IRS1: variants seen among roughly 807,000 people sequenced by gnomAD.
IRS1 encodes the protein insulin receptor substrate 1.
IRS1 carries 34 observed loss-of-function variants against 65.6 expected under a neutral mutation model. The ratio of observed to expected loss-of-function variants is 0.52; its 90% CI spans 0.39 to 0.69. The LOEUF (loss-of-function observed/expected upper bound fraction) is 0.69, where lower values mean the gene tolerates loss of function less well. Ranked by LOEUF, IRS1 falls within the 30% of genes least tolerant of loss-of-function variation. The pLI is 0.00. For missense variants in IRS1, 1,641 were observed against 1,720.2 expected (o/e 0.95, Z 0.81); for synonymous variants, 699 against 683.5 (o/e 1.02, Z -0.35).
chr2:226,744,398 CAG>C (rs2106159616), intron 1 of IRS1, among the ~76,000 whole-genome samples: 1 of 152,306 alleles, frequency 6.6e-6, no homozygotes, highest in East Asian at 1.9e-4. Context: ...ACAGGCCTAA[CAG>C]AGGACAATGC....
intron 1 of IRS1, among the ~76,000 whole-genome samples, chr2:226,785,762 C>CT (rs148549648): frequency 0.1 from 15,162 of 151,378 alleles, 968 homozygotes; most frequent in South Asian, 0.24. Context: ...TATATATATA[C>CT]TTTAAGTTTT....
At chr2:226,775,651 C>A (rs913141646) in intron 1 of IRS1, among the ~76,000 whole-genome samples, 1 of 152,130 alleles carries the variant, frequency 6.6e-6, no homozygotes, top group African/African-American at 2.4e-5. Flanking sequence ...CTGCTAGTTC[C>A]CAGATCTTAG....
chr2:226,755,372 A>C (rs1195959046), intron 1 of IRS1, among the ~76,000 whole-genome samples: 1 of 152,228 alleles, frequency 6.6e-6, no homozygotes, highest in Non-Finnish European at 1.5e-5. Flanking sequence ...TGAGAAGGGG[A>C]AAACAATGAC....
At chr2:226,745,884 G>A (rs1938531286) in intron 1 of IRS1, among the ~76,000 whole-genome samples, 1 of 152,182 alleles carries the variant, frequency 6.6e-6, no homozygotes. Context: ...CTTGCGAAGA[G>A]AGGACAAAGT....
chr2:226,796,796 T>C lies in IRS1; in HGVS notation c.1943A>G (p.Asn648Ser), dbSNP rs776281879. The C allele has an allele frequency of 1.6e-5, 25 of 1,579,698 alleles. No individual in the cohort carries two copies. Among genetic ancestry groups the C allele is most frequent in the Admixed American group, 1.0e-4 (6 of 58,276 alleles). ...TCTCTGGGGATGGCGTCTGATGGGATTGATGATCTGCTGTGGGGCAGATAC... is the reference window on the plus strand; with the variant it reads ...TCTCTGGGGATGGCGTCTGATGGGACTGATGATCTGCTGTGGGGCAGATAC... ...KSVSAPQQII[N>S]PIRRHPQRVD... The change falls in exon 1 of 2, where the codon AAT becomes AGT. Residue 648 changes from asparagine (N) to serine (S), a missense_variant. Around this residue, in one of 3 missense-constraint regions of IRS1, gnomAD observed 1,324 missense variants for 1,361.0 expected, o/e 0.97. Transcript: ENST00000305123.
In IRS1 at chr2:226,766,390, C is replaced by T. The variant is rs190915187; in HGVS notation, c.*21+28599G>A. ...TGTTGTCCAGGCTGGTCTTGAACTCCTGGCCTCAAGTGATCCACTTGCCTT... is the reference window on the plus strand; with the variant it reads ...TGTTGTCCAGGCTGGTCTTGAACTCTTGGCCTCAAGTGATCCACTTGCCTT... On this transcript the variant is annotated intron_variant, in intron 1 of 1. Coordinates refer to ENST00000305123, the MANE Select transcript of IRS1 (RefSeq NM_005544.3). Among the ~76,000 whole-genome samples the T allele has an allele frequency of 1.3e-3, 192 of 151,250 alleles. 2 individuals are homozygous for T. The highest frequency in any genetic ancestry group is 4.5e-3 in the African/African-American group (185 of 41,170).
chr2:226,796,077 G>C lies in IRS1; in HGVS notation c.2662C>G (p.Pro888Ala), dbSNP rs1217269876. Reference sequence around the variant, plus strand: ...TATTCCCCCGGGCTCTTGGGCTCTGGAGGGTGCAGCAAGGGCTGCTGCTGC... The same window carrying C: ...TATTCCCCCGGGCTCTTGGGCTCTGCAGGGTGCAGCAAGGGCTGCTGCTGC... ...QQQQQPLLHPPEPKSPGEYVN... is the reference protein window; with the variant it reads ...QQQQQPLLHPAEPKSPGEYVN... Residue 888 changes from proline to alanine, a missense_variant, in exon 1 of 2, where the codon CCA becomes GCA. Around this residue, in one of 3 missense-constraint regions of IRS1, gnomAD observed 1,324 missense variants for 1,361.0 expected, o/e 0.97. Coordinates refer to ENST00000305123, the MANE Select transcript of IRS1 (RefSeq NM_005544.3). 2 of 1,613,976 alleles carry C rather than the reference G, an allele frequency of 1.2e-6. No homozygotes were observed. Among genetic ancestry groups the C allele is most frequent in the South Asian group, 1.1e-5 (1 of 91,092 alleles).
At chr2:226,746,209 G>T (rs1187757598) in intron 1 of IRS1, among the ~76,000 whole-genome samples, 2 of 152,028 alleles carry the variant, frequency 1.3e-5, no homozygotes, top group African/African-American at 2.4e-5. Flanking sequence ...TATTTACAAA[G>T]AAATCACATG....
Position 226,797,580 on chromosome 2 carries a change from T to C in IRS1, c.1159A>G (p.Thr387Ala). The stretch of plus-strand genomic sequence containing the variant: ...CTGGACGACAGACTGACCGGGCTGG[T>C]GGCCGAAGGCGAGCAGCGGGAAGCC... ...MPASRCSPSA[T>A]SPVSLSSSST... The change falls in exon 1 of 2, where the codon ACC (threonine) becomes GCC (alanine). Residue 387 changes from threonine to alanine, a missense_variant. Coordinates refer to ENST00000305123, the MANE Select transcript of IRS1 (RefSeq NM_005544.3). The surrounding 1 kb of genome is among the most constrained non-coding windows in gnomAD (Gnocchi z 8.1). 2.5e-6 allele frequency: 4 copies of C among 1,594,312 alleles called. No individual in the cohort carries two copies. Among genetic ancestry groups the C allele is most frequent in the Non-Finnish European group, 3.4e-6 (4 of 1,172,124 alleles).
chr2:226,783,507 C>T (rs2106177828), intron 1 of IRS1, among the ~76,000 whole-genome samples: 1 of 152,276 alleles, frequency 6.6e-6, no homozygotes, highest in East Asian at 1.9e-4. Flanking sequence ...TCTCCACTGC[C>T]TGGCTCACAG....
intron 1 of IRS1, among the ~76,000 whole-genome samples, chr2:226,750,020 C>T (rs28407115): frequency 0.021 from 3,224 of 152,034 alleles, 102 homozygotes; most frequent in African/African-American, 0.07. Flanking sequence ...GAGGCCGAGG[C>T]GGGTGGATCA....
rs1442010371 is a variant in IRS1 at position 226,797,871 on chromosome 2, T to C, written c.868A>G (p.Asn290Asp). Residue 290 changes from asparagine to aspartate, a missense_variant, in exon 1 of 2, where the codon AAC becomes GAC. Coordinates refer to ENST00000305123, the MANE Select transcript of IRS1 (RefSeq NM_005544.3). This position sits in a 1 kb window ranked among gnomAD's most constrained non-coding sequence, Gnocchi z 8.1. ...ISVPLRRHHL[N>D]NPPPSQVGLT... ...CCCACCTGGCTGGGCGGGGGATTGT[T>C]GAGATGGTGCCGGCGCAGGGGGACG... 1 of 1,607,404 alleles carries C rather than the reference T, an allele frequency of 6.2e-7. No homozygotes were observed. The highest frequency in any genetic ancestry group is 1.7e-5 in the Admixed American group (1 of 59,908).
chr2:226,795,003 A>G lies in IRS1; in HGVS notation c.*7T>C. 1 of 1,613,036 alleles carries G rather than the reference A, an allele frequency of 6.2e-7. No individual in the cohort carries two copies. The highest frequency in any genetic ancestry group is 8.5e-7 in the Non-Finnish European group (1 of 1,179,860). On this transcript the variant is annotated 3_prime_UTR_variant, in exon 1 of 2. Transcript: ENST00000305123. Reference sequence around the variant, plus strand: ...ATGAAACGCACCTGCTGTGATGTCCAGTTGAGCTACTGACGGTCCTCTGGC... The same window carrying G: ...ATGAAACGCACCTGCTGTGATGTCCGGTTGAGCTACTGACGGTCCTCTGGC...
Position 226,798,089 on chromosome 2 carries a change from G to A in IRS1, c.650C>T (p.Ser217Leu). The change falls in exon 1 of 2, where the codon TCG becomes TTG. Residue 217 changes from serine (S) to leucine (L), a missense_variant. Ser to Leu is a moderately radical substitution (Grantham distance 145). Transcript: ENST00000305123. The surrounding 1 kb of genome is among the most constrained non-coding windows in gnomAD (Gnocchi z 9.4). ...CACCTCGATGAAGAAGAAGTTTTCC[G>A]AGTGGCCACAGCGCCTGATGTTCAT... The part of the protein sequence containing the change: ...QLMNIRRCGH[S>L]ENFFFIEVGR... 1 of 1,613,968 alleles carries A rather than the reference G, an allele frequency of 6.2e-7. No individual in the cohort carries two copies. The highest frequency in any genetic ancestry group is 8.5e-7 in the Non-Finnish European group (1 of 1,180,022).
chr2:226,778,541 T>C (rs188291572), intron 1 of IRS1, among the ~76,000 whole-genome samples: 1 of 145,686 alleles, frequency 6.9e-6, no homozygotes, highest in African/African-American at 2.5e-5. Flanking sequence ...TAACAGAATT[T>C]AAAAAAAAAA....
At chr2:226,779,977 C>T (rs1293820350) in intron 1 of IRS1, among the ~76,000 whole-genome samples, 1 of 152,132 alleles carries the variant, frequency 6.6e-6, no homozygotes, top group Non-Finnish European at 1.5e-5. Flanking sequence ...TTTTCCTAAA[C>T]CTTATGCATA....
At position 226,799,385 on chromosome 2, in the gene IRS1, G is replaced by GCTGCTCCTGCTGCTC; in HGVS notation, c.-648_-647insGAGCAGCAGGAGCAG. The GCTGCTCCTGCTGCTC allele has an allele frequency of 3.9e-6, 5 of 1,268,904 alleles. No individual in the cohort carries two copies. In the South Asian group the frequency reaches 6.4e-5, roughly 16 times the overall value. 78.6% of individuals were successfully genotyped at this position (1,268,904 alleles called of 1,614,324 possible). ...TGCTGTTGCTGCTGCTGCTGCTGCTGCTGCTGCCGCCGCCCGCGGGCGCGT... is the reference window on the plus strand; with the variant it reads ...TGCTGTTGCTGCTGCTGCTGCTGCTGCTGCTCCTGCTGCTCCTGCTGCCGCCGCCCGCGGGCGCGT... On this transcript the variant is annotated 5_prime_UTR_variant, in exon 1 of 2. Coordinates refer to ENST00000305123, the MANE Select transcript of IRS1 (RefSeq NM_005544.3). The surrounding 1 kb of genome is among the most constrained non-coding windows in gnomAD (Gnocchi z 6.1).
In IRS1 at chr2:226,795,167, C is replaced by T; in HGVS notation, c.3572G>A (p.Cys1191Tyr). 1 of 1,613,868 alleles carries T rather than the reference C, an allele frequency of 6.2e-7. No homozygotes were observed. The highest frequency in any genetic ancestry group is 1.3e-5 in the African/African-American group (1 of 74,998). Residue 1191 changes from cysteine (C) to tyrosine (Y), a missense_variant, in exon 1 of 2, where the codon TGC (cysteine) becomes TAC (tyrosine). Cys to Tyr is a radical substitution (Grantham distance 194). Coordinates refer to ENST00000305123, the MANE Select transcript of IRS1 (RefSeq NM_005544.3). Reference sequence around the variant, plus strand: ...CGGTTCAGGGGTGCACTCCTGAGGGCACTGTTTGAAGTCCTTGACCAAATC... The same window carrying T: ...CGGTTCAGGGGTGCACTCCTGAGGGTACTGTTTGAAGTCCTTGACCAAATC... ...DLDLVKDFKQ[C>Y]PQECTPEPQP...
intron 1 of IRS1, among the ~76,000 whole-genome samples, chr2:226,783,536 G>T (rs58439771): frequency 0.15 from 23,037 of 152,132 alleles, 2,185 homozygotes; most frequent in South Asian, 0.27. Flanking sequence ...TCAATGAATA[G>T]TTATTTAAGG....
Sources: allele counts gnomAD v4.1 joint callset (sites outside exome capture counted in the v4.1 genomes callset), GRCh38; gene constraint gnomAD v4.1.1; regional missense constraint gnomAD v4.1.1; non-coding constraint Gnocchi (gnomAD v3.1); transcripts MANE v1.5; gene names NCBI Gene and HGNC (gene_info 2026-07-23, HGNC 2026-07-21).